TDRD9: variants seen among roughly 807,000 people sequenced by gnomAD.
TDRD9 encodes tudor domain containing 9.
A neutral mutation model predicts 172.6 loss-of-function variants in TDRD9; 124 were observed. The observed-to-expected ratio is 0.72, with a 90% confidence interval of 0.62 to 0.83. TDRD9 has a LOEUF of 0.83. Among genes scored for constraint, TDRD9 ranks in the 40% least tolerant of loss-of-function variants. TDRD9 has a pLI of 0.00. For missense variants in TDRD9, 1,479 were observed against 1,714.1 expected (o/e 0.86, Z 2.42); for synonymous variants, 619 against 617.1 (o/e 1.00, Z -0.05).
chr14:104,023,208 A>AG (rs2035018422), intron 24 of TDRD9, among the ~76,000 whole-genome samples: 1 of 150,444 alleles, frequency 6.6e-6, no homozygotes, highest in African/African-American at 2.5e-5. Context: ...AAAAAAAAAA[A>AG]AAAAAAGGAT....
intron 6 of TDRD9, among the ~76,000 whole-genome samples, chr14:103,971,205 G>A (rs1054941707): frequency 2.6e-5 from 4 of 151,814 alleles, no homozygotes; most frequent in African/African-American, 4.8e-5. Flanking sequence ...GGATGGTCTT[G>A]ATCTCCTGAC....
At chr14:104,010,387 C>T (rs999889090) in intron 20 of TDRD9, among the ~76,000 whole-genome samples, 49 of 152,232 alleles carry the variant, frequency 3.2e-4, no homozygotes, top group Middle Eastern at 3.4e-3. Flanking sequence ...TTAGCCTAGG[C>T]GTACACAGAG....
At chr14:103,929,141 G>A (rs1159205465) in intron 1 of TDRD9, among the ~76,000 whole-genome samples, 1 of 152,016 alleles carries the variant, frequency 6.6e-6, no homozygotes, top group Non-Finnish European at 1.5e-5. Flanking sequence ...CGTTACAGGA[G>A]GGTTCACGCC....
At chr14:104,025,180 C>T (rs567977740) in intron 25 of TDRD9, among the ~76,000 whole-genome samples, 94 of 152,296 alleles carry the variant, frequency 6.2e-4, no homozygotes, top group African/African-American at 2.1e-3. Context: ...CGGGGTTTTA[C>T]CACATTGGCC....
intron 20 of TDRD9, among the ~76,000 whole-genome samples, chr14:104,012,398 A>G (rs1205624089): frequency 6.6e-6 from 1 of 152,202 alleles, no homozygotes; most frequent in Non-Finnish European, 1.5e-5. Context: ...AGAGTCTGCA[A>G]GATGCTTCCT....
chr14:104,005,167 C>T (rs1323548972), intron 14 of TDRD9, 107 bp from the exon 15 acceptor site: 26 of 1,153,772 alleles, frequency 2.3e-5, no homozygotes, highest in East Asian at 2.0e-4. Flanking sequence ...TCTTTCTTCT[C>T]TCCTCTCCTT....
Position 103,998,676 on chromosome 14 carries a change from TCA to T in TDRD9, c.1432_1433del (p.Gln478GlufsTer9), listed in dbSNP as rs745320696. On this transcript the variant is annotated frameshift_variant, in exon 13 of 36. Coordinates refer to ENST00000409874, the MANE Select transcript of TDRD9 (RefSeq NM_153046.3). LOFTEE classifies it high-confidence loss of function. ...TGGTCTGTGATGAAGATACAAATTA[TCA>T]GAGTCTGCGATTGAGTTGGGCTTCT... ...TLVCDEDTNYQSLRLSWASKT... is the reference protein window; with the variant it reads ...TLVCDEDTNYXSLRLSWASKT... 4.3e-6 allele frequency: 7 copies of T among 1,612,080 alleles called. 1 individual carries two copies. In the South Asian group the frequency reaches 7.7e-5, roughly 18 times the overall value.
chr14:103,940,913 C>T, intron 1 of TDRD9: 1 of 1,535,398 alleles, frequency 6.5e-7, no homozygotes, highest in Non-Finnish European at 8.7e-7. Context: ...GGTATTTCAT[C>T]TTTGTCTGCC....
intron 32 of TDRD9, among the ~76,000 whole-genome samples, chr14:104,039,527 G>A (rs2035549690): frequency 6.6e-6 from 1 of 152,210 alleles, no homozygotes; most frequent in Admixed American, 6.5e-5. Flanking sequence ...ACTCCTGTGT[G>A]CTATATGGAG....
At position 103,935,520 on chromosome 14, in the gene TDRD9, C is replaced by T. The variant is rs1230055711; in HGVS notation, c.215+6796C>T. ...TACCAGGATTGATTTTGAACATGTT[C>T]ACTTTAAAATGCCTGTTAGACAGCA... On this transcript the variant is annotated intron_variant, in intron 1 of 35. Coordinates refer to ENST00000409874, the MANE Select transcript of TDRD9 (RefSeq NM_153046.3). 4.6e-5 allele frequency among the ~76,000 whole-genome samples: 7 copies of T among 152,126 alleles called. No homozygotes were observed. The East Asian group carries it at 1.3e-3, about 29-fold the overall frequency.
chr14:103,930,479 T>C (rs868375292), intron 1 of TDRD9, among the ~76,000 whole-genome samples: 3 of 152,130 alleles, frequency 2.0e-5, no homozygotes, highest in Admixed American at 1.3e-4. Flanking sequence ...CCTGGCTTTA[T>C]TTTTCTTTTT....
chr14:104,004,600 G>A (rs1000756412), intron 14 of TDRD9, among the ~76,000 whole-genome samples: 1 of 152,050 alleles, frequency 6.6e-6, no homozygotes, highest in East Asian at 1.9e-4. Flanking sequence ...GACTGATCTC[G>A]AACTCCTGAC....
At chr14:103,983,045 G>A (rs991449858) in intron 7 of TDRD9, among the ~76,000 whole-genome samples, 15 of 149,234 alleles carry the variant, frequency 1.0e-4, no homozygotes, top group African/African-American at 3.2e-4. Context: ...ACCTGGACTC[G>A]CTGTGGGTCA....
chr14:103,994,489 T>G, intron 10 of TDRD9, 30 bp from the exon 11 acceptor site: 1 of 1,609,952 alleles, frequency 6.2e-7, no homozygotes. Flanking sequence ...ATCTATTCTT[T>G]ATGGAGATTT....
intron 20 of TDRD9, among the ~76,000 whole-genome samples, chr14:104,010,133 G>A (rs1430494273): frequency 6.6e-6 from 1 of 151,962 alleles, no homozygotes; most frequent in East Asian, 1.9e-4. Context: ...TTTTAGTAGA[G>A]ACAGGGTTTC....
chr14:104,049,112 ATGTATGTATGTG>A (rs1381754018), intron 34 of TDRD9, among the ~76,000 whole-genome samples: 5 of 50,056 alleles, frequency 1.0e-4, no homozygotes, highest in Non-Finnish European at 2.5e-4. Flanking sequence ...GTATGTATGT[ATGTATGTATGTG>A]TGTGTGTGTG....
At chr14:103,950,053 T>G (rs2031783323) in intron 1 of TDRD9, among the ~76,000 whole-genome samples, 1 of 151,200 alleles carries the variant, frequency 6.6e-6, no homozygotes, top group South Asian at 2.1e-4. Context: ...CCCTTTTTTT[T>G]TTTCTTTTGA....
At chr14:103,971,894 G>A (rs538520112) in intron 6 of TDRD9, among the ~76,000 whole-genome samples, 3 of 152,254 alleles carry the variant, frequency 2.0e-5, no homozygotes, top group Admixed American at 1.3e-4. Context: ...AGTGGCTCAC[G>A]CCTGTAATCC....
intron 1 of TDRD9, among the ~76,000 whole-genome samples, chr14:103,954,456 ACAGTGC>A (rs1350352944): frequency 6.6e-6 from 1 of 152,194 alleles, no homozygotes; most frequent in African/African-American, 2.4e-5. Context: ...AGTGTTGGAG[ACAGTGC>A]CTTTTGTGCA....
Sources: allele counts gnomAD v4.1 joint callset (sites outside exome capture counted in the v4.1 genomes callset), GRCh38; gene constraint gnomAD v4.1.1; transcripts MANE v1.5; gene names NCBI Gene and HGNC (gene_info 2026-07-23, HGNC 2026-07-21).